Variants in CFAP299 observed in about 807,000 individuals in gnomAD.
CFAP299 encodes the protein cilia- and flagella-associated protein 299.
CFAP299 carries 21 observed loss-of-function variants against 27.0 expected under a neutral mutation model. The observed-to-expected ratio is 0.78, with a 90% CI of 0.55 to 1.12. The LOEUF (loss-of-function observed/expected upper bound fraction) is 1.12, where lower values mean the gene tolerates loss of function less well. Ranked by LOEUF, CFAP299 falls within the 50% of genes most tolerant of loss-of-function variation. The pLI is 0.00. For synonymous variants in CFAP299, 104 were observed against 98.1 expected (o/e 1.06, Z -0.36); for missense variants, 310 against 276.6 (o/e 1.12, Z -0.86).
intron 1 of CFAP299, among the ~76,000 whole-genome samples, chr4:80,352,566 CA>C: frequency 6.6e-6 from 1 of 151,114 alleles, no homozygotes; most frequent in Non-Finnish European, 1.5e-5. Flanking sequence ...GACTCTGTCT[CA>C]AAAAAATAAA....
chr4:80,733,796 C>T (rs1723685087), intron 3 of CFAP299, among the ~76,000 whole-genome samples: 1 of 151,996 alleles, frequency 6.6e-6, no homozygotes, highest in Non-Finnish European at 1.5e-5. Context: ...ATGATAGAAT[C>T]TTATTGTTTT....
In CFAP299 at chr4:80,934,337, T is replaced by TC. The variant is rs539507331; in HGVS notation, c.477-10472dup. Among the ~76,000 whole-genome samples the TC allele has an allele frequency of 6.6e-5, 10 of 152,248 alleles. No homozygotes were observed. The South Asian group carries it at 2.1e-3, about 32-fold the overall frequency. ...TTGCTATTATTTTGTTGAAGAATTT[T>TC]CATCTATGTTTATCAGGGTTATTGG... On this transcript the variant is annotated intron_variant, in intron 4 of 5. Transcript: ENST00000358105.
At chr4:80,860,415 G>A (rs1417453538) in intron 3 of CFAP299, among the ~76,000 whole-genome samples, 3 of 152,194 alleles carry the variant, frequency 2.0e-5, no homozygotes, top group Admixed American at 2.0e-4. Flanking sequence ...ACTCGTCAAA[G>A]TCATTCTCTG....
At chr4:80,426,730 A>G (rs1727548609) in intron 2 of CFAP299, among the ~76,000 whole-genome samples, 1 of 152,218 alleles carries the variant, frequency 6.6e-6, no homozygotes, top group African/African-American at 2.4e-5. Context: ...AGTGTTTTGG[A>G]TTAGAATGCC....
At chr4:80,875,827 T>G (rs1272863943) in intron 4 of CFAP299, among the ~76,000 whole-genome samples, 1 of 152,156 alleles carries the variant, frequency 6.6e-6, no homozygotes, top group Non-Finnish European at 1.5e-5. Flanking sequence ...TAGTACCTGC[T>G]AGCTTCTTTT....
intron 3 of CFAP299, among the ~76,000 whole-genome samples, chr4:80,719,901 A>G (rs1298139335): frequency 2.6e-5 from 4 of 152,236 alleles, no homozygotes; most frequent in Admixed American, 2.6e-4. Flanking sequence ...TTGATAAAAA[A>G]TAATGAACTG....
intron 2 of CFAP299, among the ~76,000 whole-genome samples, chr4:80,481,654 C>T (rs967303217): frequency 2.0e-5 from 3 of 151,950 alleles, no homozygotes; most frequent in Admixed American, 6.6e-5. Context: ...ATTGAGGAAA[C>T]CCCGCGTGAC....
chr4:80,599,136 G>A (rs1230868854), intron 3 of CFAP299, among the ~76,000 whole-genome samples: 2 of 152,176 alleles, frequency 1.3e-5, no homozygotes, highest in Admixed American at 6.6e-5. Flanking sequence ...TTTACAAAGT[G>A]TCTGTTTTAT....
chr4:80,674,129 C>A (rs1256955071), intron 3 of CFAP299, among the ~76,000 whole-genome samples: 3 of 152,140 alleles, frequency 2.0e-5, no homozygotes, highest in Admixed American at 1.3e-4. Flanking sequence ...ATGATCTTTA[C>A]AATTTGGCAT....
At chr4:80,908,506 G>A (rs10007113) in intron 4 of CFAP299, among the ~76,000 whole-genome samples, 17,392 of 152,064 alleles carry the variant, frequency 0.11, 2,169 homozygotes, top group African/African-American at 0.31. Flanking sequence ...GAGGTGTTCC[G>A]AAATAGAGTT....
At chr4:80,362,123 T>C (rs1723577530) in intron 1 of CFAP299, among the ~76,000 whole-genome samples, 1 of 151,940 alleles carries the variant, frequency 6.6e-6, no homozygotes, top group Non-Finnish European at 1.5e-5. Context: ...GGAAGTTTTT[T>C]TTTTTTTCAA....
At chr4:80,593,408 T>C (rs1736883715) in intron 3 of CFAP299, among the ~76,000 whole-genome samples, 1 of 152,220 alleles carries the variant, frequency 6.6e-6, no homozygotes, top group Non-Finnish European at 1.5e-5. Context: ...CTGACCAGTA[T>C]ACGGCTTTTG....
chr4:80,729,516 A>G (rs1312645286), intron 3 of CFAP299, among the ~76,000 whole-genome samples: 1 of 150,732 alleles, frequency 6.6e-6, no homozygotes, highest in Admixed American at 6.6e-5. Context: ...ACCCTGAGGG[A>G]AGTATGCTGC....
intron 2 of CFAP299, among the ~76,000 whole-genome samples, chr4:80,451,646 A>C (rs1728909922): frequency 6.6e-6 from 1 of 152,184 alleles, no homozygotes; most frequent in Non-Finnish European, 1.5e-5. Flanking sequence ...TTTCCTTTGA[A>C]TCTTTTGACA....
intron 3 of CFAP299, among the ~76,000 whole-genome samples, chr4:80,616,717 A>G (rs1738308474): frequency 6.6e-6 from 1 of 152,140 alleles, no homozygotes; most frequent in South Asian, 2.1e-4. Context: ...GATGGTCCCA[A>G]CATACTAGCC....
intron 3 of CFAP299, among the ~76,000 whole-genome samples, chr4:80,734,678 G>A (rs2110058587): frequency 6.6e-6 from 1 of 152,096 alleles, no homozygotes; most frequent in East Asian, 1.9e-4. Context: ...TTATTATTCT[G>A]CATATGGATA....
rs551719843 is a variant in CFAP299 at position 80,631,120 on chromosome 4, A to T, written c.333+47937A>T. ...CACATCAATTGGCCCAGCCTTTAGT[A>T]TATTAAGCTGTCATAGTCACTAGTT... On this transcript the variant is annotated intron_variant, in intron 3 of 5. Transcript: ENST00000358105. 8.7e-4 allele frequency among the ~76,000 whole-genome samples: 133 copies of T among 152,222 alleles called. No individual in the cohort carries two copies. In the Middle Eastern group the frequency reaches 0.01, roughly 12 times the overall value.
intron 3 of CFAP299, among the ~76,000 whole-genome samples, chr4:80,793,944 G>C (rs1370952369): frequency 6.6e-6 from 1 of 152,100 alleles, no homozygotes; most frequent in Non-Finnish European, 1.5e-5. Context: ...TATTTTTCCT[G>C]GTGGAATGAC....
chr4:80,458,903 T>TA (rs1193012739), intron 2 of CFAP299, among the ~76,000 whole-genome samples: 2 of 152,156 alleles, frequency 1.3e-5, no homozygotes, highest in Admixed American at 6.5e-5. Context: ...TTCCCAGGAC[T>TA]AAAACCAGGC....
Sources: allele counts gnomAD v4.1 joint callset (sites outside exome capture counted in the v4.1 genomes callset), GRCh38; gene constraint gnomAD v4.1.1; transcripts MANE v1.5; gene names NCBI Gene and HGNC (gene_info 2026-07-23, HGNC 2026-07-21).